HSPB8: variants seen among roughly 807,000 people sequenced by gnomAD.
HSPB8 encodes heat shock protein family B (small) member 8.
A neutral mutation model predicts 16.5 loss-of-function variants in HSPB8; 9 were observed. The observed-to-expected ratio is 0.55, with a 90% CI of 0.33 to 0.95. The LOEUF (loss-of-function observed/expected upper bound fraction) is 0.95, where lower values mean the gene tolerates loss of function less well. Ranked by LOEUF, HSPB8 falls within the 40% of genes least tolerant of loss-of-function variation. The probability of loss-of-function intolerance (pLI) is 0.03; values close to 1 mark genes in which losing one functional copy is unlikely to be tolerated. For missense variants in HSPB8, 238 were observed against 251.2 expected (o/e 0.95, Z 0.35); for synonymous variants, 99 against 94.8 (o/e 1.04, Z -0.26).
intron 1 of HSPB8, among the ~76,000 whole-genome samples, chr12:119,186,006 G>A (rs1954673587): frequency 6.6e-6 from 1 of 152,102 alleles, no homozygotes; most frequent in Non-Finnish European, 1.5e-5. Flanking sequence ...GGAGTGAAAA[G>A]TAACAGCCGA....
At position 119,194,053 on chromosome 12, in the gene HSPB8, C is replaced by T; in HGVS notation, c.*195C>T. ...AGGATAGCGCAATTGGCAAATCATG[C>T]TTGGTTGTGTTAGGCCAAAATACTA... On this transcript the variant is annotated 3_prime_UTR_variant, in exon 3 of 3. Transcript: ENST00000281938. 2 of 656,832 alleles carry T rather than the reference C, an allele frequency of 3.0e-6. No individual in the cohort carries two copies. The highest frequency in any genetic ancestry group is 5.4e-6 in the Non-Finnish European group (2 of 372,758). The allele number at this position is 656,832 out of a possible 1,614,324, so 40.7% of individuals were successfully genotyped here. A position where few individuals can be genotyped will look rare whatever the true frequency, so the allele number is the denominator to read the frequency against.
At chr12:119,189,234 A>C (rs1283571462) in intron 2 of HSPB8, among the ~76,000 whole-genome samples, 4 of 151,938 alleles carry the variant, frequency 2.6e-5, no homozygotes, top group African/African-American at 9.7e-5. Context: ...CTCAGGGTGG[A>C]GTCACAAGCA....
At chr12:119,185,993 TGAG>T (rs991398193) in intron 1 of HSPB8, among the ~76,000 whole-genome samples, 72 of 152,192 alleles carry the variant, frequency 4.7e-4, no homozygotes, top group Non-Finnish European at 9.9e-4. Flanking sequence ...GCCCCACAAA[TGAG>T]GAGTGAAAAG....
intron 1 of HSPB8, among the ~76,000 whole-genome samples, chr12:119,181,750 C>T (rs190289090): frequency 2.5e-4 from 38 of 152,258 alleles, no homozygotes; most frequent in African/African-American, 8.7e-4. Flanking sequence ...CGGATGTGGA[C>T]GAGAAAGTCT....
intron 1 of HSPB8, among the ~76,000 whole-genome samples, chr12:119,182,651 A>T (rs936659737): frequency 2.0e-5 from 3 of 152,100 alleles, no homozygotes; most frequent in Admixed American, 6.6e-5. Flanking sequence ...AAAAAATAAA[A>T]AATAAAAATA....
In HSPB8 at chr12:119,187,057, A is replaced by G. The variant is rs1592930644; in HGVS notation, c.400A>G (p.Ile134Val). Residue 134 changes from isoleucine (I) to valine (V), a missense_variant, in exon 2 of 3, where the codon ATT (isoleucine) becomes GTT (valine). Physicochemically the swap from Ile to Val is conservative, Grantham distance 29 (BLOSUM62 3). Coordinates refer to ENST00000281938, the MANE Select transcript of HSPB8 (RefSeq NM_014365.3). Reference protein sequence around the residue: ...KHEEKQQEGGIVSKNFTKKIQ... With the variant: ...KHEEKQQEGGVVSKNFTKKIQ... ...TGAAGAGAAACAGCAAGAAGGTGGCATTGTTTCTAAGAACTTCACAAAGAA... is the reference window on the plus strand; with the variant it reads ...TGAAGAGAAACAGCAAGAAGGTGGCGTTGTTTCTAAGAACTTCACAAAGAA... 1.9e-6 allele frequency: 3 copies of G among 1,614,006 alleles called. No individual in the cohort carries two copies. Among genetic ancestry groups the G allele is most frequent in the African/African-American group, 1.3e-5 (1 of 74,920 alleles).
rs183804040 is a variant in HSPB8 at position 119,179,771 on chromosome 12, C to T, written c.367+92C>T. Reference sequence around the variant, plus strand: ...CCAGAGAAAGTTTCCTGGGAGCTGACGTTGGGACAGTGTGACACAGGTGAC... The same window carrying T: ...CCAGAGAAAGTTTCCTGGGAGCTGATGTTGGGACAGTGTGACACAGGTGAC... On this transcript the variant is annotated intron_variant, in intron 1 of 2. Coordinates refer to ENST00000281938, the MANE Select transcript of HSPB8 (RefSeq NM_014365.3). 2.9e-5 allele frequency: 43 copies of T among 1,486,076 alleles called. No homozygotes were observed. In the African/African-American group the frequency reaches 4.5e-4, roughly 16 times the overall value. The allele number at this position is 1,486,076 out of a possible 1,614,324, so 92.1% of individuals were successfully genotyped here.
intron 2 of HSPB8, among the ~76,000 whole-genome samples, chr12:119,188,101 T>C (rs143312269): frequency 6.1e-4 from 93 of 152,268 alleles, no homozygotes; most frequent in African/African-American, 2.0e-3. Context: ...GCAGTACCTA[T>C]AGGGAGCAGA....
intron 2 of HSPB8, among the ~76,000 whole-genome samples, chr12:119,188,820 C>A (rs1008603215): frequency 2.0e-5 from 3 of 152,178 alleles, no homozygotes; most frequent in Non-Finnish European, 2.9e-5. Context: ...CTGAAAGTGA[C>A]ATAAGGTCAT....
In HSPB8 at chr12:119,194,128, A is replaced by G. The variant is rs1954730058; in HGVS notation, c.*270A>G. 1 of 501,888 alleles carries G rather than the reference A, an allele frequency of 2.0e-6. No homozygotes were observed. Among genetic ancestry groups the G allele is most frequent in the Admixed American group, 3.2e-5 (1 of 30,810 alleles). 31.1% of individuals were successfully genotyped at this position (501,888 alleles called of 1,614,324 possible). On this transcript the variant is annotated 3_prime_UTR_variant, in exon 3 of 3. Coordinates refer to ENST00000281938, the MANE Select transcript of HSPB8 (RefSeq NM_014365.3). ...TCTTGATGAAAATGTTGCACATTCT[A>G]TAGTTGCAAAACACATAAAAGGGGA...
At chr12:119,189,379 G>T (rs1954698003) in intron 2 of HSPB8, among the ~76,000 whole-genome samples, 1 of 150,282 alleles carries the variant, frequency 6.7e-6, no homozygotes. Flanking sequence ...GAGATAGCTT[G>T]CTGGAAGTAA....
chr12:119,193,646 T>A, intron 2 of HSPB8, 53 bp from the exon 3 acceptor site: 1 of 1,575,744 alleles, frequency 6.3e-7, no homozygotes, highest in South Asian at 1.1e-5. Flanking sequence ...AATAAAAGAA[T>A]GTTTAAGCAA....
chr12:119,188,242 TCTCTC>T lies in HSPB8; in HGVS notation c.431+1155_431+1159del, dbSNP rs1370569118. On this transcript the variant is annotated intron_variant, in intron 2 of 2. Coordinates refer to ENST00000281938, the MANE Select transcript of HSPB8 (RefSeq NM_014365.3). ...GGCCCCTAAACTCTCTCTCTCTCTC[TCTCTC>T]TTTTTTTTTTTTTTTTTGAGATGGA... Among the ~76,000 whole-genome samples the T allele has an allele frequency of 2.6e-3, 364 of 138,612 alleles. 1 individual carries two copies. Among genetic ancestry groups the T allele is most frequent in the African/African-American group, 9.0e-3 (345 of 38,432 alleles). 90.9% of individuals were successfully genotyped at this position (138,612 alleles called of 152,430 possible).
chr12:119,194,229 A>T lies in HSPB8; in HGVS notation c.*371A>T, dbSNP rs1954730686. ...TCTCTGGGGACCTCCCCCATCACCC[A>T]GGTTCCTACTCTGGGCTCCCGATTC... is the stretch of plus-strand genomic sequence containing the variant. On this transcript the variant is annotated 3_prime_UTR_variant, in exon 3 of 3. Transcript: ENST00000281938. The T allele has an allele frequency of 3.1e-6, 1 of 320,906 alleles. No individual in the cohort carries two copies. Among genetic ancestry groups the T allele is most frequent in the South Asian group, 2.8e-5 (1 of 35,616 alleles). The allele number at this position is 320,906 out of a possible 1,614,324, so 19.9% of individuals were successfully genotyped here.
chr12:119,187,163 C>A (rs891721557), intron 2 of HSPB8, 75 bp downstream of exon 2: 2 of 1,212,774 alleles, frequency 1.6e-6, no homozygotes, highest in African/African-American at 1.5e-5. Context: ...GATCTGGGGT[C>A]TCTCCCTCTT....
rs560749734 is a variant in HSPB8 at position 119,193,723 on chromosome 12, G to C, written c.456G>C (p.Val152=). The C allele has an allele frequency of 6.2e-7, 1 of 1,614,216 alleles. No individual in the cohort carries two copies. The highest frequency in any genetic ancestry group is 8.5e-7 in the Non-Finnish European group (1 of 1,180,034). Residue 152 remains valine, a synonymous_variant, in exon 3 of 3, where the codon GTG becomes GTC. Transcript: ENST00000281938. ...KIQLPAEVDP[V]TVFASLSPEG... is the part of the protein sequence containing the mutation. ...GGCTTCCTGCAGAGGTGGATCCTGTGACAGTATTTGCCTCACTTTCCCCAG... is the reference window on the plus strand; with the variant it reads ...GGCTTCCTGCAGAGGTGGATCCTGTCACAGTATTTGCCTCACTTTCCCCAG...
chr12:119,191,929 C>G (rs1592932329), intron 2 of HSPB8, among the ~76,000 whole-genome samples: 1 of 152,266 alleles, frequency 6.6e-6, no homozygotes, highest in African/African-American at 2.4e-5. Context: ...ATTTCCTCAT[C>G]TGTAAGATGG....
At position 119,179,548 on chromosome 12, in the gene HSPB8, T is replaced by A; in HGVS notation, c.236T>A (p.Phe79Tyr). 1 of 1,613,590 alleles carries A rather than the reference T, an allele frequency of 6.2e-7. No individual in the cohort carries two copies. Among genetic ancestry groups the A allele is most frequent in the South Asian group, 1.1e-5 (1 of 91,046 alleles). ...CGGGGCCCCACTGCCACCGCCAGGT[T>A]TGGGGTGCCTGCCGAGGGCAGGACC... is the stretch of plus-strand genomic sequence containing the variant. ...VPRGPTATARFGVPAEGRTPP... is the reference protein window; with the variant it reads ...VPRGPTATARYGVPAEGRTPP... Residue 79 changes from phenylalanine (F) to tyrosine (Y), a missense_variant, in exon 1 of 3, where the codon TTT becomes TAT. Transcript: ENST00000281938.
chr12:119,186,740 G>T, intron 1 of HSPB8: 1 of 429,742 alleles, frequency 2.3e-6, no homozygotes, highest in Non-Finnish European at 4.3e-6. Context: ...CAACACAGAA[G>T]TTTCTGCGAT....
Sources: allele counts gnomAD v4.1 joint callset (sites outside exome capture counted in the v4.1 genomes callset), GRCh38; gene constraint gnomAD v4.1.1; transcripts MANE v1.5; gene names NCBI Gene and HGNC (gene_info 2026-07-23, HGNC 2026-07-21).